SLC28A1: variants seen among roughly 807,000 people sequenced by gnomAD.
SLC28A1 encodes solute carrier family 28 member 1.
A neutral mutation model predicts 74.8 loss-of-function variants in SLC28A1; 64 were observed. The observed-to-expected ratio is 0.86, with a 90% CI of 0.70 to 1.05. SLC28A1 has a LOEUF of 1.05. Ranked by LOEUF, SLC28A1 falls within the 50% of genes least tolerant of loss-of-function variation. The probability of loss-of-function intolerance (pLI) is 0.00; values close to 1 mark genes in which losing one functional copy is unlikely to be tolerated. For missense variants in SLC28A1, 828 were observed against 822.8 expected (o/e 1.01, Z -0.08); for synonymous variants, 359 against 335.0 (o/e 1.07, Z -0.78).
intron 5 of SLC28A1, among the ~76,000 whole-genome samples, chr15:84,892,802 G>A (rs1462218646): frequency 5.9e-5 from 9 of 152,218 alleles, no homozygotes; most frequent in Non-Finnish European, 7.4e-5. Context: ...TGGGTGCAGC[G>A]ACAGCGCTGG....
At chr15:84,935,290 C>G (rs745725791) in intron 14 of SLC28A1, 31 bp from the exon 15 acceptor site, 16 of 1,613,500 alleles carry the variant, frequency 9.9e-6, no homozygotes, top group African/African-American at 2.7e-5. Flanking sequence ...AGGCCCAGCC[C>G]TCGGTGCCAG....
chr15:84,953,905 A>T, the SLC28A1 span, among the ~76,000 whole-genome samples: 1 of 152,102 alleles, frequency 6.6e-6, no homozygotes, highest in Non-Finnish European at 1.5e-5. Flanking sequence ...ACCAGGAGGG[A>T]TGAGGGTGTA....
At chr15:84,957,604 CGTT>C in the SLC28A1 span, among the ~76,000 whole-genome samples, 1 of 152,038 alleles carries the variant, frequency 6.6e-6, no homozygotes, top group Non-Finnish European at 1.5e-5. Context: ...GTTTTGGCAC[CGTT>C]GTCAAAAATC....
rs1366684721 is a variant in SLC28A1 at position 84,945,415 on chromosome 15, C to A, written c.*215C>A. ...GTCCCACTCCATCCCCCTTCCTGCT[C>A]CCCCATTTCCTAACTCCCCCAGTGT... is the stretch of plus-strand genomic sequence containing the variant. On this transcript the variant is annotated 3_prime_UTR_variant, in exon 19 of 19. Transcript: ENST00000394573. 1.7e-6 allele frequency: 1 copy of A among 581,624 alleles called. No homozygotes were observed. Among genetic ancestry groups the A allele is most frequent in the South Asian group, 1.9e-5 (1 of 53,514 alleles). The allele number at this position is 581,624 out of a possible 1,614,324, so 36.0% of individuals were successfully genotyped here.
At chr15:84,946,076 G>A (rs1320010422), downstream of SLC28A1, among the ~76,000 whole-genome samples, 1 of 57,534 alleles carries the variant, frequency 1.7e-5, no homozygotes, top group Non-Finnish European at 3.0e-5. Context: ...ATATATGTGT[G>A]TGTATGTTCA....
chr15:84,932,905 C>T (rs1971482168), intron 12 of SLC28A1, among the ~76,000 whole-genome samples: 1 of 152,128 alleles, frequency 6.6e-6, no homozygotes, highest in East Asian at 1.9e-4. Context: ...ATGAAGATAA[C>T]AATATTTGTC....
At chr15:84,928,542 CTTTCTTTCT>C (rs1567171931) in intron 12 of SLC28A1, among the ~76,000 whole-genome samples, 2 of 18,492 alleles carry the variant, frequency 1.1e-4, no homozygotes, top group Non-Finnish European at 1.7e-4. Flanking sequence ...TTCTTTCTTT[CTTTCTTTCT>C]TTCTTTCTTT....
the SLC28A1 span, among the ~76,000 whole-genome samples, chr15:84,970,567 G>A: frequency 2.6e-5 from 4 of 152,194 alleles, no homozygotes; most frequent in Admixed American, 6.5e-5. Context: ...GAGCTTGAGC[G>A]AGATTTCCTC....
chr15:84,895,090 A>AG lies in SLC28A1; in HGVS notation c.431dup (p.His145ProfsTer9). ...AAGCTGAGGAGGTTTCTCAAGCCTC[A>AG]GGGCCATCCCCGCCTGCTGCTCTGG... On this transcript the variant is annotated frameshift_variant, in exon 6 of 19. Coordinates refer to ENST00000394573, the MANE Select transcript of SLC28A1 (RefSeq NM_004213.5). LOFTEE classifies it high-confidence loss of function. 1 of 1,613,844 alleles carries AG rather than the reference A, an allele frequency of 6.2e-7. No individual in the cohort carries two copies. The highest frequency in any genetic ancestry group is 8.5e-7 in the Non-Finnish European group (1 of 1,179,824).
At chr15:84,942,897 A>C (rs1972869601) in intron 15 of SLC28A1, among the ~76,000 whole-genome samples, 1 of 152,224 alleles carries the variant, frequency 6.6e-6, no homozygotes, top group Non-Finnish European at 1.5e-5. Flanking sequence ...AAAAGGTTGA[A>C]GGACAGGCTG....
intron 8 of SLC28A1, 131 bp from the exon 9 acceptor site, chr15:84,908,587 G>GC (rs146702064): frequency 0.28 from 199,084 of 700,120 alleles, 22,763 homozygotes; most frequent in Non-Finnish European, 0.3. Context: ...GCCAGGTGGT[G>GC]CCCCCCCCCG....
intron 9 of SLC28A1, among the ~76,000 whole-genome samples, chr15:84,917,760 T>A (rs1969320695): frequency 6.6e-6 from 1 of 152,208 alleles, no homozygotes; most frequent in Non-Finnish European, 1.5e-5. Flanking sequence ...ATGAAACTAG[T>A]CTTCCACTAA....
intron 8 of SLC28A1, among the ~76,000 whole-genome samples, chr15:84,908,184 T>TC (rs1360343966): frequency 4.2e-5 from 4 of 94,904 alleles, no homozygotes; most frequent in South Asian, 6.2e-4. Context: ...ATTTCTTTTT[T>TC]TTTTTTTTTT....
the SLC28A1 span, among the ~76,000 whole-genome samples, chr15:84,969,153 G>T: frequency 1.3e-5 from 2 of 152,192 alleles, no homozygotes. Context: ...CTGAGTCTCT[G>T]CGGAAGGACA....
chr15:84,895,247 C>T (rs1289472274), intron 6 of SLC28A1, 124 bp downstream of exon 6: 3 of 1,574,954 alleles, frequency 1.9e-6, no homozygotes, highest in African/African-American at 1.4e-5. Flanking sequence ...CTCTCTGGCG[C>T]CCCAGGGCAG....
intron 9 of SLC28A1, among the ~76,000 whole-genome samples, chr15:84,918,212 G>C (rs1969371738): frequency 6.6e-6 from 1 of 152,088 alleles, no homozygotes; most frequent in Admixed American, 6.5e-5. Context: ...AAAGAAGCAG[G>C]AGATAAAAGT....
intron 8 of SLC28A1, among the ~76,000 whole-genome samples, chr15:84,906,610 CTT>C (rs1967280090): frequency 2.0e-5 from 3 of 146,706 alleles, no homozygotes; most frequent in South Asian, 2.2e-4. Flanking sequence ...TCCTTCCTTC[CTT>C]CCTTCCTTCC....
At chr15:84,936,138 G>C (rs762017675) in intron 15 of SLC28A1, among the ~76,000 whole-genome samples, 9 of 151,132 alleles carry the variant, frequency 6.0e-5, no homozygotes, top group Non-Finnish European at 1.0e-4. Context: ...TGTATTTTTA[G>C]TAGAGACGGG....
chr15:84,974,348 C>G, the SLC28A1 span, among the ~76,000 whole-genome samples: 1 of 152,180 alleles, frequency 6.6e-6, no homozygotes, highest in African/African-American at 2.4e-5. Context: ...CATGGGAGCT[C>G]TTGCACAGTG....
Sources: allele counts gnomAD v4.1 joint callset (sites outside exome capture counted in the v4.1 genomes callset), GRCh38; gene constraint gnomAD v4.1.1; transcripts MANE v1.5; gene names NCBI Gene and HGNC (gene_info 2026-07-23, HGNC 2026-07-21).